The following ALOX5 variants were observed in gnomAD, a reference collection of about 807,000 sequenced individuals.
ALOX5 encodes the protein polyunsaturated fatty acid 5-lipoxygenase.
In ALOX5, 64 loss-of-function variants were observed where a neutral mutation model predicts 87.9. The ratio of observed to expected loss-of-function variants is 0.73; its 90% CI spans 0.60 to 0.90. ALOX5 has a LOEUF of 0.90. Among genes scored for constraint, ALOX5 ranks in the 40% least tolerant of loss-of-function variants. The pLI, the probability that ALOX5 is intolerant of heterozygous loss-of-function variation, is 0.00. For missense variants in ALOX5, 822 were observed against 907.5 expected (o/e 0.91, Z 1.21); for synonymous variants, 388 against 355.1 (o/e 1.09, Z -1.04).
intron 2 of ALOX5, among the ~76,000 whole-genome samples, chr10:45,391,107 T>C (rs939574268): frequency 4.4e-5 from 4 of 91,818 alleles, no homozygotes; most frequent in African/African-American, 1.8e-4. Flanking sequence ...ACGGTCTCCC[T>C]CTCCCTCTCT....
intron 11 of ALOX5, 88 bp downstream of exon 11, chr10:45,443,625 G>A: frequency 6.3e-7 from 1 of 1,596,590 alleles, no homozygotes; most frequent in South Asian, 1.1e-5. Context: ...GTCCTGCCCA[G>A]GGTGCCCTCC....
chr10:45,433,519 C>T (rs1386976270), intron 7 of ALOX5, among the ~76,000 whole-genome samples: 2 of 152,212 alleles, frequency 1.3e-5, no homozygotes, highest in African/African-American at 4.8e-5. Flanking sequence ...GCAGCTCACT[C>T]TTAAGACCGG....
At chr10:45,376,317 A>G (rs1338997192) in intron 1 of ALOX5, among the ~76,000 whole-genome samples, 2 of 135,532 alleles carry the variant, frequency 1.5e-5, no homozygotes, top group African/African-American at 5.4e-5. Flanking sequence ...TGAGAGGGCT[A>G]TAAGTCAGGG....
rs201645075 is a variant in ALOX5 at position 45,382,508 on chromosome 10, A to G, written c.176A>G (p.Asp59Gly). Residue 59 changes from aspartate (D) to glycine (G), a missense_variant, in exon 2 of 14, where the codon GAC (aspartate) becomes GGC (glycine). By Grantham distance (94) the Asp-to-Gly change is moderately conservative. Transcript: ENST00000374391. ...GTGGATTCATACGACGTGACTGTGG[A>G]CGAGGAACTGGGCGAGATCCAGCTG... Reference protein sequence around the residue: ...GAVDSYDVTVDEELGEIQLVR... With the variant: ...GAVDSYDVTVGEELGEIQLVR... 5 of 1,614,190 alleles carry G rather than the reference A, an allele frequency of 3.1e-6. No individual in the cohort carries two copies. Among genetic ancestry groups the G allele is most frequent in the Non-Finnish European group, 4.2e-6 (5 of 1,180,048 alleles).
At chr10:45,396,839 G>A (rs1006466490) in intron 3 of ALOX5, among the ~76,000 whole-genome samples, 9 of 152,134 alleles carry the variant, frequency 5.9e-5, no homozygotes, top group Admixed American at 5.9e-4. Context: ...TAACCCAGAA[G>A]TATATAAAAG....
In ALOX5 at chr10:45,432,110, C is replaced by T. The variant is rs563598870; in HGVS notation, c.981+3346C>T. ...GAAAGATTCATATGGAAAAAGAAAT[C>T]TAGCATAGTCAAAAATTTTTTGAAA... On this transcript the variant is annotated intron_variant, in intron 7 of 13. Transcript: ENST00000374391. Among the ~76,000 whole-genome samples, 4 of 150,174 alleles carry T rather than the reference C, an allele frequency of 2.7e-5. No homozygotes were observed. The South Asian group carries it at 8.4e-4, about 32-fold the overall frequency.
chr10:45,391,054 C>CTCTCCCTCTCCCTCTCCCCACGG (rs1397224500), intron 2 of ALOX5, among the ~76,000 whole-genome samples: 1 of 92,986 alleles, frequency 1.1e-5, no homozygotes, highest in Non-Finnish European at 2.0e-5. Flanking sequence ...CCCCTCTCCC[C>CTCTCCCTCTCCCTCTCCCCACGG]TCTCCCTCTC....
intron 3 of ALOX5, among the ~76,000 whole-genome samples, chr10:45,399,419 C>A (rs550916555): frequency 6.6e-6 from 1 of 152,248 alleles, no homozygotes; most frequent in Admixed American, 6.5e-5. Context: ...TTGAATTGAA[C>A]ACTTTAAATG....
At chr10:45,423,970 T>A (rs1841598517) in intron 4 of ALOX5, 71 bp from the exon 5 acceptor site, 1 of 1,241,392 alleles carries the variant, frequency 8.1e-7, no homozygotes, top group Non-Finnish European at 1.2e-6. Flanking sequence ...CCCTGAGAGC[T>A]TGGTGTGAAG....
In ALOX5 at chr10:45,374,263, C is replaced by G. The variant is rs1367511692; in HGVS notation, c.-17C>G. 5 of 1,463,490 alleles carry G rather than the reference C, an allele frequency of 3.4e-6. No individual in the cohort carries two copies. Among genetic ancestry groups the G allele is most frequent in the Non-Finnish European group, 4.5e-6 (5 of 1,106,730 alleles). 90.7% of individuals were successfully genotyped at this position (1,463,490 alleles called of 1,614,324 possible). On this transcript the variant is annotated 5_prime_UTR_variant, in exon 1 of 14. Coordinates refer to ENST00000374391, the MANE Select transcript of ALOX5 (RefSeq NM_000698.5). The stretch of plus-strand genomic sequence containing the variant: ...GCGCCGAGGCTCCCGGCGCTCGCTG[C>G]TCCCGCGGCCCGCGCCATGCCCTCC...
intron 2 of ALOX5, among the ~76,000 whole-genome samples, chr10:45,394,402 A>G (rs1840420487): frequency 6.6e-6 from 1 of 152,260 alleles, no homozygotes; most frequent in Non-Finnish European, 1.5e-5. Flanking sequence ...GGCTAGCCAT[A>G]GGTAGACAGC....
intron 2 of ALOX5, among the ~76,000 whole-genome samples, chr10:45,394,674 C>G (rs139846368): frequency 0.022 from 3,421 of 152,244 alleles, 124 homozygotes; most frequent in African/African-American, 0.078. Context: ...AGGCAACCTA[C>G]AGAATGGGAA....
intron 11 of ALOX5, 76 bp downstream of exon 11, chr10:45,443,613 G>T: frequency 6.3e-7 from 1 of 1,597,748 alleles, no homozygotes; most frequent in Non-Finnish European, 8.5e-7. Context: ...CCCCTCCGGG[G>T]TGTCCTGCCC....
At chr10:45,400,482 C>G (rs1402220276) in intron 3 of ALOX5, among the ~76,000 whole-genome samples, 1 of 152,028 alleles carries the variant, frequency 6.6e-6, no homozygotes, top group Non-Finnish European at 1.5e-5. Context: ...GCCTGTAATC[C>G]CAGCTGCTTG....
intron 3 of ALOX5, among the ~76,000 whole-genome samples, chr10:45,411,986 G>A (rs867551714): frequency 1.3e-5 from 2 of 152,178 alleles, no homozygotes; most frequent in Non-Finnish European, 2.9e-5. Flanking sequence ...CTGATGCTCA[G>A]GGCACAGCAA....
chr10:45,400,874 T>C (rs1426635631), intron 3 of ALOX5, among the ~76,000 whole-genome samples: 2 of 152,200 alleles, frequency 1.3e-5, no homozygotes, highest in African/African-American at 2.4e-5. Context: ...TGGGTTATAA[T>C]GATGGTTACA....
At chr10:45,381,406 AAG>A (rs1417222542) in intron 1 of ALOX5, among the ~76,000 whole-genome samples, 1 of 152,252 alleles carries the variant, frequency 6.6e-6, no homozygotes, top group African/African-American at 2.4e-5. Context: ...GAAAACTGGA[AAG>A]AGAGGAAGTG....
At chr10:45,395,215 A>G (rs1313314059) in intron 2 of ALOX5, among the ~76,000 whole-genome samples, 2 of 152,278 alleles carry the variant, frequency 1.3e-5, no homozygotes, top group East Asian at 3.8e-4. Context: ...CCAAATGTCC[A>G]TCAATGATAG....
At chr10:45,436,235 G>A (rs2132841026) in intron 7 of ALOX5, among the ~76,000 whole-genome samples, 1 of 152,246 alleles carries the variant, frequency 6.6e-6, no homozygotes, top group East Asian at 1.9e-4. Context: ...TTGTTTTGCT[G>A]TGCAGAAGCT....
Sources: allele counts gnomAD v4.1 joint callset (sites outside exome capture counted in the v4.1 genomes callset), GRCh38; gene constraint gnomAD v4.1.1; transcripts MANE v1.5; gene names NCBI Gene and HGNC (gene_info 2026-07-23, HGNC 2026-07-21).